DYNC2H1: variants seen among roughly 807,000 people sequenced by gnomAD.
The protein encoded by DYNC2H1 is dynein cytoplasmic 2 heavy chain 1.
A neutral mutation model predicts 570.0 loss-of-function variants in DYNC2H1; 410 were observed. The ratio of observed to expected loss-of-function variants is 0.72; its 90% confidence interval spans 0.66 to 0.78. The LOEUF is 0.78. Among genes scored for constraint, DYNC2H1 ranks in the 30% least tolerant of loss-of-function variants. The probability of loss-of-function intolerance (pLI) is 0.00; values close to 1 mark genes in which losing one functional copy is unlikely to be tolerated. For synonymous variants in DYNC2H1, 1,688 were observed against 1,677.6 expected, an observed-to-expected ratio of 1.01 and a Z score of -0.15; for missense variants, 4,865 against 5,046.4, an observed-to-expected ratio of 0.96 and a Z score of 1.09.
At position 103,235,678 on chromosome 11, in the gene DYNC2H1, G is replaced by C; in HGVS notation, c.9574G>C (p.Glu3192Gln). The change falls in exon 62 of 89, where the codon GAG (glutamate) becomes CAG (glutamine). Residue 3192 changes from glutamate to glutamine, a missense_variant. Coordinates refer to ENST00000375735, the MANE Select transcript of DYNC2H1 (RefSeq NM_001377.3). ...EHKRWNAQVV[E>Q]ITEELATLPK... Reference sequence around the variant, plus strand: ...TTCTCTCTCTTTTTTCCAGGTTGTAGAGATAACAGAGGAATTAGCTACTCT... The same window carrying C: ...TTCTCTCTCTTTTTTCCAGGTTGTACAGATAACAGAGGAATTAGCTACTCT... 6.2e-7 allele frequency: 1 copy of C among 1,607,358 alleles called. No individual in the cohort carries two copies. The highest frequency in any genetic ancestry group is 8.5e-7 in the Non-Finnish European group (1 of 1,176,344).
At chr11:103,320,462 TC>T (rs1938119723) in intron 80 of DYNC2H1, among the ~76,000 whole-genome samples, 1 of 152,166 alleles carries the variant, frequency 6.6e-6, no homozygotes, top group South Asian at 2.1e-4. Context: ...ACATTTCTCT[TC>T]TATTAAAATA....
intron 63 of DYNC2H1, among the ~76,000 whole-genome samples, chr11:103,242,473 C>G (rs764421674): frequency 6.6e-6 from 1 of 152,040 alleles, no homozygotes; most frequent in African/African-American, 2.4e-5. Flanking sequence ...CTGCTGTACC[C>G]CATTCTAAGT....
At chr11:103,206,773 G>A (rs769273057) in intron 52 of DYNC2H1, among the ~76,000 whole-genome samples, 18 of 152,196 alleles carry the variant, frequency 1.2e-4, no homozygotes, top group Non-Finnish European at 2.6e-4. Flanking sequence ...TGGAGCAGTT[G>A]CAGTTAGTAA....
In DYNC2H1 at chr11:103,209,521, G is replaced by C. The variant is rs549522281; in HGVS notation, c.8455-355G>C. Among the ~76,000 whole-genome samples the C allele has an allele frequency of 6.6e-6, 1 of 151,676 alleles. No individual in the cohort carries two copies. On this transcript the variant is annotated intron_variant, in intron 52 of 88. Coordinates refer to ENST00000375735, the MANE Select transcript of DYNC2H1 (RefSeq NM_001377.3). The surrounding 1 kb of genome is among the most constrained non-coding windows in gnomAD (Gnocchi z 4.2). ...CTTGCTACCCCACTATGTCATGAAG[G>C]CATTTTACTAGTTTTATGCCAAATA...
In DYNC2H1 at chr11:103,472,534, A is replaced by G. The variant is rs1591808442; in HGVS notation, c.12765+3829A>G. Among the ~76,000 whole-genome samples, 1 of 152,120 alleles carries G rather than the reference A, an allele frequency of 6.6e-6. No homozygotes were observed. Among genetic ancestry groups the G allele is most frequent in the East Asian group, 1.9e-4 (1 of 5,198 alleles). On this transcript the variant is annotated intron_variant, in intron 88 of 88. Transcript: ENST00000375735. The surrounding 1 kb of genome is among the most constrained non-coding windows in gnomAD (Gnocchi z 4.1). ...CTCATAACAATCCTATGAGTTTGGT[A>G]CAGCAAATTTTCTATTTTTCTGATG...
rs1860847072 is a variant in DYNC2H1 at position 103,156,744 on chromosome 11, C to T, written c.4101C>T (p.Arg1367=). The change falls in exon 26 of 89, where the codon CGC becomes CGT. Residue 1367 remains arginine, a synonymous_variant. Transcript: ENST00000375735. ...GRGALPKEQT[R]FNRVDEDFRS... ...GAGCATTGCCAAAAGAACAGACACG[C>T]TTCAACAGAGTTGATGAAGATTTTA... 6.2e-7 allele frequency: 1 copy of T among 1,611,126 alleles called. No individual in the cohort carries two copies. The highest frequency in any genetic ancestry group is 1.7e-5 in the Admixed American group (1 of 59,318).
At chr11:103,342,533 C>G (rs142183605) in intron 82 of DYNC2H1, among the ~76,000 whole-genome samples, 1 of 147,512 alleles carries the variant, frequency 6.8e-6, no homozygotes, top group East Asian at 2.0e-4. Flanking sequence ...GATGGGGGCT[C>G]GCTCTGTTGC....
intron 83 of DYNC2H1, among the ~76,000 whole-genome samples, chr11:103,364,238 AT>A (rs1940788265): frequency 1.3e-5 from 2 of 152,172 alleles, no homozygotes; most frequent in African/African-American, 2.4e-5. Flanking sequence ...ATCTTAATAA[AT>A]TATGAGCAAA....
intron 31 of DYNC2H1, among the ~76,000 whole-genome samples, chr11:103,167,215 C>G (rs373168877): frequency 6.6e-6 from 1 of 151,096 alleles, no homozygotes; most frequent in East Asian, 1.9e-4. Context: ...AAGTCTTCAC[C>G]TTTTACTTCT....
chr11:103,148,992 G>T (rs1004165952), intron 20 of DYNC2H1, among the ~76,000 whole-genome samples: 2 of 152,152 alleles, frequency 1.3e-5, no homozygotes, highest in African/African-American at 2.4e-5. Flanking sequence ...GGGAGGCAAA[G>T]GTTGCAGTGA....
At chr11:103,154,643 G>A in intron 23 of DYNC2H1, 37 bp downstream of exon 23, 1 of 1,574,430 alleles carries the variant, frequency 6.4e-7, no homozygotes, top group Non-Finnish European at 8.6e-7. Context: ...TAATAATTTG[G>A]TTGTTTTATT....
chr11:103,376,051 G>T (rs186386665), intron 83 of DYNC2H1, among the ~76,000 whole-genome samples: 1 of 152,282 alleles, frequency 6.6e-6, no homozygotes, highest in East Asian at 1.9e-4. Context: ...TTTTCCCCAT[G>T]CTGTTCTGAT....
chr11:103,235,688 A>T lies in DYNC2H1; in HGVS notation c.9584A>T (p.Glu3195Val). 1 of 1,609,692 alleles carries T rather than the reference A, an allele frequency of 6.2e-7. No homozygotes were observed. Among genetic ancestry groups the T allele is most frequent in the Non-Finnish European group, 8.5e-7 (1 of 1,177,564 alleles). ...RWNAQVVEIT[E>V]ELATLPKRAQ... is the part of the protein sequence containing the mutation. ...TTTTTCCAGGTTGTAGAGATAACAGAGGAATTAGCTACTCTTCCTAAAAGA... is the reference window on the plus strand; with the variant it reads ...TTTTTCCAGGTTGTAGAGATAACAGTGGAATTAGCTACTCTTCCTAAAAGA... The change falls in exon 62 of 89, where the codon GAG becomes GTG. Residue 3195 changes from glutamate (E) to valine (V), a missense_variant. By Grantham distance (121) the Glu-to-Val change is moderately radical (BLOSUM62 -2). Transcript: ENST00000375735.
chr11:103,378,205 T>C (rs1941477872), intron 83 of DYNC2H1, among the ~76,000 whole-genome samples: 1 of 152,198 alleles, frequency 6.6e-6, no homozygotes, highest in Non-Finnish European at 1.5e-5. Flanking sequence ...TTTACCCTAC[T>C]CTCTCCCAAA....
Position 103,177,589 on chromosome 11 carries a change from T to C in DYNC2H1, c.5908T>C (p.Cys1970Arg). ...GGCTTTAGAATTGTATGAACAGTTA[T>C]GCCAGAGGATGGGAGTTGTTATTGT... is the stretch of plus-strand genomic sequence containing the variant. ...KKALELYEQL[C>R]QRMGVVIVGP... Residue 1970 changes from cysteine to arginine, a missense_variant, in exon 38 of 89, where the codon TGC (cysteine) becomes CGC (arginine). Cys to Arg is a radical substitution (Grantham distance 180). This residue lies in a region of DYNC2H1 where 231 missense variants were observed against 310.3 expected (regional missense o/e 0.74). Coordinates refer to ENST00000375735, the MANE Select transcript of DYNC2H1 (RefSeq NM_001377.3). The surrounding 1 kb of genome is among the most constrained non-coding windows in gnomAD (Gnocchi z 4.4). 1 of 1,613,060 alleles carries C rather than the reference T, an allele frequency of 6.2e-7. No individual in the cohort carries two copies. The highest frequency in any genetic ancestry group is 8.5e-7 in the Non-Finnish European group (1 of 1,179,500).
intron 18 of DYNC2H1, among the ~76,000 whole-genome samples, chr11:103,143,703 G>T (rs898927843): frequency 2.0e-5 from 3 of 152,032 alleles, no homozygotes; most frequent in African/African-American, 7.3e-5. Context: ...GAAGCTACTG[G>T]TGAGAGCATA....
chr11:103,120,740 G>A lies in DYNC2H1; in HGVS notation c.1186G>A (p.Glu396Lys). ...ATATGAAAAGATTATTGCACCTGCG[G>A]AACAAAAAATAGCAGGAAAATTGAA... Reference protein sequence around the residue: ...SQYEKIIAPAEQKIAGKLKNY... With the variant: ...SQYEKIIAPAKQKIAGKLKNY... Residue 396 changes from glutamate (E) to lysine (K), a missense_variant, in exon 8 of 89, where the codon GAA (glutamate) becomes AAA (lysine). Glu to Lys is a moderately conservative substitution (Grantham distance 56, BLOSUM62 1). Transcript: ENST00000375735. 6.2e-7 allele frequency: 1 copy of A among 1,604,996 alleles called. No individual in the cohort carries two copies. The highest frequency in any genetic ancestry group is 8.5e-7 in the Non-Finnish European group (1 of 1,175,080).
chr11:103,245,301 C>T lies in DYNC2H1; in HGVS notation c.9969C>T (p.Thr3323=). The T allele has an allele frequency of 1.3e-6, 2 of 1,560,168 alleles. No homozygotes were observed. The highest frequency in any genetic ancestry group is 2.4e-5 in the South Asian group (2 of 84,256). The change falls in exon 65 of 89, where the codon ACC becomes ACT. Residue 3323 remains threonine (T), a synonymous_variant. Transcript: ENST00000375735. This position sits in a 1 kb window ranked among gnomAD's most constrained non-coding sequence, Gnocchi z 4.5. ...AATTAGCAGTACGTTTTGGGAAAAC[C>T]CTTATTATACAAGAGATGGATGGTG... The part of the protein sequence containing the change: ...ALELAVRFGK[T]LIIQEMDGVE...
rs551397502 is a variant in DYNC2H1 at position 103,234,155 on chromosome 11, G to A, written c.9562G>A (p.Ala3188Thr). 44 of 1,584,494 alleles carry A rather than the reference G, an allele frequency of 2.8e-5. No homozygotes were observed. In the South Asian group the frequency reaches 5.0e-4, roughly 18 times the overall value. Residue 3188 changes from alanine (A) to threonine (T), a missense_variant, in exon 61 of 89, where the codon GCA becomes ACA. Physicochemically the swap from Ala to Thr is moderately conservative, Grantham distance 58. Coordinates refer to ENST00000375735, the MANE Select transcript of DYNC2H1 (RefSeq NM_001377.3). ...QLDREHKRWN[A>T]QVVEITEELA... Reference sequence around the variant, plus strand: ...TGACAGAGAACATAAGAGATGGAATGCACAGGTTTGTTTGAGAGAGGGGCC... The same window carrying A: ...TGACAGAGAACATAAGAGATGGAATACACAGGTTTGTTTGAGAGAGGGGCC...
Sources: allele counts gnomAD v4.1 joint callset (sites outside exome capture counted in the v4.1 genomes callset), GRCh38; gene constraint gnomAD v4.1.1; regional missense constraint gnomAD v4.1.1; non-coding constraint Gnocchi (gnomAD v3.1); transcripts MANE v1.5; gene names NCBI Gene and HGNC (gene_info 2026-07-23, HGNC 2026-07-21).